C4orf36: variants seen among roughly 807,000 people sequenced by gnomAD.
C4orf36 encodes chromosome 4 open reading frame 36.
In C4orf36, 11 loss-of-function variants were observed where a neutral mutation model predicts 12.2. The ratio of observed to expected loss-of-function variants is 0.90; its 90% CI spans 0.57 to 1.49. C4orf36 has a LOEUF of 1.49. Ranked by LOEUF, C4orf36 falls within the 40% of genes most tolerant of loss-of-function variation. The pLI is 0.00. For synonymous variants in C4orf36, 54 were observed against 51.3 expected, an observed-to-expected ratio of 1.05 and a Z score of -0.22; for missense variants, 137 against 133.9, an observed-to-expected ratio of 1.02 and a Z score of -0.11.
the C4orf36 span, among the ~76,000 whole-genome samples, chr4:86,918,826 T>C: frequency 6.8e-6 from 1 of 146,162 alleles, no homozygotes; most frequent in Non-Finnish European, 1.5e-5. Context: ...TGTGTGTGTG[T>C]GTGTGTGTGC....
chr4:86,876,270 T>G lies in C4orf36; in HGVS notation c.*176A>C, dbSNP rs1028604449. On this transcript the variant is annotated 3_prime_UTR_variant, in exon 5 of 5. Coordinates refer to ENST00000295898, the MANE Select transcript of C4orf36 (RefSeq NM_144645.4). ...GAAACAAACTGAGTTCCACTGAAATTAAGAGATTTTCTCGGTCTCTGGGCG... is the reference window on the plus strand; with the variant it reads ...GAAACAAACTGAGTTCCACTGAAATGAAGAGATTTTCTCGGTCTCTGGGCG... 71 of 765,606 alleles carry G rather than the reference T, an allele frequency of 9.3e-5. No individual in the cohort carries two copies. The African/African-American group carries it at 1.2e-3, about 13-fold the overall frequency. The allele number at this position is 765,606 out of a possible 1,614,324, so 47.4% of individuals were successfully genotyped here.
At chr4:86,910,182 CT>C in the C4orf36 span, among the ~76,000 whole-genome samples, 507 of 152,230 alleles carry the variant, frequency 3.3e-3, 1 homozygote, top group African/African-American at 0.011. Flanking sequence ...TTCCTCATGC[CT>C]GTAATCCCAG....
At chr4:86,915,171 G>A in the C4orf36 span, among the ~76,000 whole-genome samples, 1 of 152,018 alleles carries the variant, frequency 6.6e-6, no homozygotes, top group Non-Finnish European at 1.5e-5. Flanking sequence ...TGCCATTTGT[G>A]CTCTTGTGTT....
At chr4:86,885,066 T>G (rs1237467931) in intron 4 of C4orf36, among the ~76,000 whole-genome samples, 1 of 152,214 alleles carries the variant, frequency 6.6e-6, no homozygotes, top group Admixed American at 6.5e-5. Context: ...TATCTCTGTT[T>G]TGGTACCAGT....
chr4:86,876,585 C>T, intron 4 of C4orf36, 142 bp from the exon 5 acceptor site: 1 of 1,613,934 alleles, frequency 6.2e-7, no homozygotes, highest in Non-Finnish European at 8.5e-7. Context: ...CCTGCAAAAT[C>T]TTTACATACA....
At chr4:86,913,170 G>A in the C4orf36 span, 1 of 380,378 alleles carries the variant, frequency 2.6e-6, no homozygotes, top group Admixed American at 4.0e-5. Flanking sequence ...TGTTTCCTTG[G>A]GGCTGGCTTC....
At chr4:86,913,238 G>A in the C4orf36 span, 18 of 549,370 alleles carry the variant, frequency 3.3e-5, no homozygotes, top group Non-Finnish European at 5.9e-5. Flanking sequence ...GCTGGATGGC[G>A]GAAGCTCACT....
At chr4:86,889,731 T>C (rs545877837) in intron 2 of C4orf36, among the ~76,000 whole-genome samples, 2 of 152,056 alleles carry the variant, frequency 1.3e-5, no homozygotes, top group South Asian at 4.1e-4. Context: ...GCCCAGGTGA[T>C]GTGATGAGAT....
intron 4 of C4orf36, among the ~76,000 whole-genome samples, chr4:86,879,598 G>A (rs185827571): frequency 3.9e-5 from 6 of 152,276 alleles, no homozygotes; most frequent in Admixed American, 1.3e-4. Context: ...AGAAAAGGGA[G>A]AAAGGACTAG....
the C4orf36 span, among the ~76,000 whole-genome samples, chr4:86,908,539 A>G: frequency 1.3e-4 from 19 of 151,614 alleles, no homozygotes; most frequent in Non-Finnish European, 2.4e-4. Flanking sequence ...CTCTTAGCCA[A>G]AAGTGTGCAG....
chr4:86,903,271 G>A, the C4orf36 span, among the ~76,000 whole-genome samples: 1 of 152,182 alleles, frequency 6.6e-6, no homozygotes, highest in African/African-American at 2.4e-5. Flanking sequence ...TAGCACTTTG[G>A]GAGGCCGAGG....
chr4:86,885,089 TG>T (rs2149420780), intron 4 of C4orf36, among the ~76,000 whole-genome samples: 1 of 152,334 alleles, frequency 6.6e-6, no homozygotes, highest in East Asian at 1.9e-4. Context: ...CATGCTGTTT[TG>T]GTTACTGTAG....
the C4orf36 span, among the ~76,000 whole-genome samples, chr4:86,908,404 G>A: frequency 2.6e-5 from 4 of 151,636 alleles, no homozygotes; most frequent in Non-Finnish European, 1.5e-5. Flanking sequence ...CTCTTGCCCT[G>A]GGATCTTAAG....
intron 4 of C4orf36, among the ~76,000 whole-genome samples, chr4:86,878,972 C>G (rs1160888957): frequency 1.3e-5 from 2 of 152,160 alleles, no homozygotes; most frequent in African/African-American, 2.4e-5. Flanking sequence ...TTTGGGAGGT[C>G]GCCATACACT....
chr4:86,894,971 G>C (rs1227647206), upstream of C4orf36, among the ~76,000 whole-genome samples: 1 of 152,152 alleles, frequency 6.6e-6, no homozygotes, highest in Non-Finnish European at 1.5e-5. Flanking sequence ...GAACCACCCA[G>C]CTAAGTCACC....
At chr4:86,932,974 T>C in the C4orf36 span, among the ~76,000 whole-genome samples, 4 of 152,176 alleles carry the variant, frequency 2.6e-5, no homozygotes, top group Non-Finnish European at 5.9e-5. Context: ...AAGTTAAATA[T>C]CTGCAACTCC....
Position 86,888,175 on chromosome 4 carries a change from C to G in C4orf36, c.166G>C (p.Val56Leu). The G allele has an allele frequency of 6.2e-7, 1 of 1,614,110 alleles. No homozygotes were observed. The highest frequency in any genetic ancestry group is 8.5e-7 in the Non-Finnish European group (1 of 1,179,994). ...FLEEISFGGSVQLTKCTTIKD... is the reference protein window; with the variant it reads ...FLEEISFGGSLQLTKCTTIKD... ...ATGGTGGTACATTTTGTGAGCTGCA[C>G]AGAACCACCAAATGAAATTTCTTCC... The change falls in exon 3 of 5, where the codon GTG (valine) becomes CTG (leucine). Residue 56 changes from valine (V) to leucine (L), a missense_variant. By Grantham distance (32) the Val-to-Leu change is conservative (BLOSUM62 1). Transcript: ENST00000295898.
intron 2 of C4orf36, among the ~76,000 whole-genome samples, chr4:86,888,954 C>T (rs1350157885): frequency 6.6e-6 from 1 of 152,132 alleles, no homozygotes; most frequent in Non-Finnish European, 1.5e-5. Flanking sequence ...TCAGGAGTGA[C>T]TTAGAGTCTA....
At chr4:86,928,098 C>T in the C4orf36 span, among the ~76,000 whole-genome samples, 2 of 152,350 alleles carry the variant, frequency 1.3e-5, no homozygotes, top group East Asian at 1.9e-4. Context: ...CTTTCTGATT[C>T]GTAGCTATTT....
Sources: allele counts gnomAD v4.1 joint callset (sites outside exome capture counted in the v4.1 genomes callset), GRCh38; gene constraint gnomAD v4.1.1; transcripts MANE v1.5; gene names NCBI Gene and HGNC (gene_info 2026-07-23, HGNC 2026-07-21).